IL1RAPL2: variants seen among roughly 807,000 people sequenced by gnomAD.
IL1RAPL2 encodes the protein interleukin 1 receptor accessory protein like 2, also known as X-linked interleukin-1 receptor accessory protein-like 2.
Under a neutral mutation model 44.1 loss-of-function variants are expected in IL1RAPL2, and 3 were observed. The ratio of observed to expected loss-of-function variants is 0.07; its 90% CI spans 0.03 to 0.18. The LOEUF (loss-of-function observed/expected upper bound fraction) is 0.18. IL1RAPL2 is among the 10% of genes least tolerant of loss of function. The probability of loss-of-function intolerance (pLI) is 1.00; values close to 1 mark genes in which losing one functional copy is unlikely to be tolerated. For missense variants in IL1RAPL2, 391 were observed against 496.4 expected, an observed-to-expected ratio of 0.79 and a Z score of 2.02; for synonymous variants, 181 against 178.8, an observed-to-expected ratio of 1.01 and a Z score of -0.10.
chrX:104,908,331 T>C (rs1924104609), intron 2 of IL1RAPL2, among the ~76,000 whole-genome samples: 1 of 111,584 alleles, frequency 9.0e-6, no homozygotes, highest in Non-Finnish European at 1.9e-5. Context: ...TATGTGTGAA[T>C]TTGATCCTGT....
chrX:105,395,611 T>A (rs2147732491), intron 5 of IL1RAPL2, among the ~76,000 whole-genome samples: 1 of 110,943 alleles, frequency 9.0e-6, no homozygotes, highest in South Asian at 3.8e-4. Flanking sequence ...GGCAAGTGAA[T>A]GTAGGGAAAT....
chrX:104,770,809 G>A (rs1156904230), intron 2 of IL1RAPL2, among the ~76,000 whole-genome samples: 1 of 111,539 alleles, frequency 9.0e-6, no homozygotes, highest in Non-Finnish European at 1.9e-5. Context: ...TGTGTCATGG[G>A]GGTTTCTTGT....
intron 1 of IL1RAPL2, chrX:104,647,927 G>A: frequency 1.5e-6 from 1 of 666,122 alleles, no homozygotes; most frequent in East Asian, 3.3e-5. Context: ...ATATAAGGCA[G>A]AGTTCAGCAT....
At chrX:105,640,691 TAC>T (rs1556372467) in intron 6 of IL1RAPL2, among the ~76,000 whole-genome samples, 5 of 76,026 alleles carry the variant, frequency 6.6e-5, no homozygotes, top group South Asian at 1.3e-3. Context: ...TATATATATA[TAC>T]ACACACATAT....
chrX:105,080,659 CAAGCT>C (rs2032391543), intron 2 of IL1RAPL2, among the ~76,000 whole-genome samples: 2 of 111,854 alleles, frequency 1.8e-5, no homozygotes, highest in African/African-American at 6.5e-5. Context: ...TGTGATGCCT[CAAGCT>C]TTGTTCTTTT....
At chrX:105,452,730 C>G (rs1302934408) in intron 5 of IL1RAPL2, among the ~76,000 whole-genome samples, 4 of 110,884 alleles carry the variant, frequency 3.6e-5, no homozygotes, top group Non-Finnish European at 7.6e-5. Flanking sequence ...TAATCTTAAG[C>G]TCTCAAAGAA....
intron 2 of IL1RAPL2, among the ~76,000 whole-genome samples, chrX:104,919,207 T>C (rs896082241): frequency 1.2e-4 from 11 of 92,678 alleles, no homozygotes; most frequent in Admixed American, 8.2e-4. Context: ...CTGGGGACTC[T>C]TGGGCACTTT....
chrX:104,918,705 T>C (rs749389827), intron 2 of IL1RAPL2, among the ~76,000 whole-genome samples: 2 of 112,049 alleles, frequency 1.8e-5, no homozygotes, highest in East Asian at 2.8e-4. Flanking sequence ...ATTCTCAATA[T>C]GAAATAAAAT....
intron 2 of IL1RAPL2, among the ~76,000 whole-genome samples, chrX:104,883,358 G>A (rs1189027794): frequency 9.0e-6 from 1 of 111,042 alleles, no homozygotes; most frequent in Non-Finnish European, 1.9e-5. Context: ...CCGACTCTTC[G>A]GAGTTGGGAG....
intron 2 of IL1RAPL2, among the ~76,000 whole-genome samples, chrX:105,172,473 A>C (rs1276248789): frequency 9.0e-6 from 1 of 111,490 alleles, no homozygotes; most frequent in East Asian, 2.8e-4. Context: ...AGCTCATTCA[A>C]GTTGTTGGTA....
intron 6 of IL1RAPL2, among the ~76,000 whole-genome samples, chrX:105,535,750 A>T (rs1255039080): frequency 9.0e-6 from 1 of 111,689 alleles, no homozygotes; most frequent in African/African-American, 3.3e-5. Context: ...GATAAAAAGC[A>T]GACAAGCCAC....
At chrX:104,791,822 T>C (rs1035328002) in intron 2 of IL1RAPL2, among the ~76,000 whole-genome samples, 1 of 111,575 alleles carries the variant, frequency 9.0e-6, no homozygotes, top group Non-Finnish European at 1.9e-5. Context: ...ACCATAGAAC[T>C]AATGTATTTG....
rs186231317 is a variant in IL1RAPL2, at chrX:105,006,263, G to A, written c.83-189212G>A. ...ATGAACTTTGATCAGAACTACTGCA[G>A]AAAGGAGGGGGAAAGCAAATGGGAT... is the stretch of plus-strand genomic sequence containing the variant. On this transcript the variant is annotated intron_variant, in intron 2 of 10. Transcript: ENST00000372582. 4.7e-3 allele frequency among the ~76,000 whole-genome samples: 514 copies of A among 110,392 alleles called. 5 individuals carry two copies. Among genetic ancestry groups the A allele is most frequent in the African/African-American group, 0.016 (495 of 30,481 alleles).
intron 6 of IL1RAPL2, among the ~76,000 whole-genome samples, chrX:105,637,902 T>C (rs1232915197): frequency 9.0e-6 from 1 of 110,554 alleles, no homozygotes; most frequent in Non-Finnish European, 1.9e-5. Flanking sequence ...AGAGGAAATT[T>C]TGAAGTGACT....
chrX:105,474,870 A>C (rs1164423068), intron 5 of IL1RAPL2, among the ~76,000 whole-genome samples: 6 of 110,658 alleles, frequency 5.4e-5, no homozygotes, highest in Non-Finnish European at 9.5e-5. Context: ...CACACACACA[A>C]AAAAACAGTC....
chrX:104,621,449 G>T (rs751857512), intron 1 of IL1RAPL2, among the ~76,000 whole-genome samples: 1 of 108,728 alleles, frequency 9.2e-6, no homozygotes, highest in Non-Finnish European at 1.9e-5. Context: ...GCTGCAGCCT[G>T]CTCCCCTGAG....
At chrX:105,350,698 T>C (rs1001770048) in intron 5 of IL1RAPL2, among the ~76,000 whole-genome samples, 1 of 112,108 alleles carries the variant, frequency 8.9e-6, no homozygotes, top group African/African-American at 3.2e-5. Context: ...CACTCCAGCC[T>C]GGGCAACAAG....
At chrX:104,730,386 G>GCCC (rs1569304620) in intron 2 of IL1RAPL2, among the ~76,000 whole-genome samples, 18 of 37,669 alleles carry the variant, frequency 4.8e-4, no homozygotes, top group Non-Finnish European at 6.5e-4. Flanking sequence ...CCCCACCCCA[G>GCCC]AACAGTCCCC....
chrX:104,979,970 A>G (rs1717777024), intron 2 of IL1RAPL2, among the ~76,000 whole-genome samples: 1 of 111,883 alleles, frequency 8.9e-6, no homozygotes, highest in Non-Finnish European at 1.9e-5. Context: ...AATTGTGCCA[A>G]TGGTGAGAAA....
Sources: allele counts gnomAD v4.1 joint callset (sites outside exome capture counted in the v4.1 genomes callset), GRCh38; gene constraint gnomAD v4.1.1; transcripts MANE v1.5; gene names NCBI Gene and HGNC (gene_info 2026-07-23, HGNC 2026-07-21).